Variants in GSAP observed in about 807,000 individuals in gnomAD.
GSAP encodes the protein gamma-secretase activating protein.
Under a neutral mutation model 131.7 loss-of-function variants are expected in GSAP, and 118 were observed. The observed-to-expected ratio is 0.90, with a 90% CI of 0.77 to 1.04. GSAP has a LOEUF of 1.04. Among genes scored for constraint, GSAP ranks in the 50% least tolerant of loss-of-function variants. The pLI, the probability that GSAP is intolerant of heterozygous loss-of-function variation, is 0.00. For missense variants in GSAP, 1,019 were observed against 1,013.2 expected (o/e 1.01, Z -0.08); for synonymous variants, 381 against 363.4 (o/e 1.05, Z -0.55).
At chr7:77,317,528 A>T (rs992762034) in intron 26 of GSAP, among the ~76,000 whole-genome samples, 4 of 151,290 alleles carry the variant, frequency 2.6e-5, no homozygotes, top group African/African-American at 7.3e-5. Context: ...AAGTATAATT[A>T]AAAAAATGAG....
intron 1 of GSAP, among the ~76,000 whole-genome samples, chr7:77,411,703 T>C (rs191269856): frequency 2.0e-5 from 3 of 152,318 alleles, no homozygotes; most frequent in East Asian, 3.9e-4. Context: ...AGCTGATCTA[T>C]AGAGGCAATA....
At chr7:77,331,356 A>G (rs75970626) in intron 19 of GSAP, among the ~76,000 whole-genome samples, 5 of 152,230 alleles carry the variant, frequency 3.3e-5, no homozygotes, top group Non-Finnish European at 5.9e-5. Flanking sequence ...TTCTGACACA[A>G]CTTGGTTTTA....
intron 4 of GSAP, 85 bp from the exon 5 acceptor site, chr7:77,397,120 G>T: frequency 1.1e-6 from 1 of 882,198 alleles, no homozygotes. Context: ...TGAAATAGAT[G>T]AGGGCTCAAA....
chr7:77,351,719 C>T (rs2150843889), intron 18 of GSAP: 1 of 985,840 alleles, frequency 1.0e-6, no homozygotes, highest in Admixed American at 6.1e-5. Flanking sequence ...AAGCGTTACC[C>T]TCAGGGTGAT....
intron 10 of GSAP, among the ~76,000 whole-genome samples, chr7:77,375,715 G>A (rs368022141): frequency 4.7e-4 from 71 of 152,054 alleles, no homozygotes; most frequent in Admixed American, 9.8e-4. Context: ...ATGGTGACAG[G>A]TGCCTGTAAT....
chr7:77,345,443 G>A (rs531015280), intron 19 of GSAP, among the ~76,000 whole-genome samples: 1 of 152,130 alleles, frequency 6.6e-6, no homozygotes, highest in Non-Finnish European at 1.5e-5. Flanking sequence ...AATATAAGAA[G>A]ACAGGACTAT....
At chr7:77,318,716 A>G (rs1164948154) in intron 26 of GSAP, among the ~76,000 whole-genome samples, 1 of 152,180 alleles carries the variant, frequency 6.6e-6, no homozygotes, top group Non-Finnish European at 1.5e-5. Flanking sequence ...CTCAAAATGC[A>G]TTAGAAAGTT....
intron 19 of GSAP, among the ~76,000 whole-genome samples, chr7:77,345,767 A>T (rs982483882): frequency 6.6e-6 from 1 of 152,028 alleles, no homozygotes; most frequent in Non-Finnish European, 1.5e-5. Flanking sequence ...GCCCCACCCC[A>T]TCTCCCTTCG....
chr7:77,325,553 C>T (rs1472461679), intron 23 of GSAP, among the ~76,000 whole-genome samples: 2 of 152,030 alleles, frequency 1.3e-5, no homozygotes, highest in Non-Finnish European at 2.9e-5. Context: ...GTACTTTGTT[C>T]TGTTGTTTTT....
intron 26 of GSAP, chr7:77,315,686 A>G (rs934632698): frequency 6.6e-6 from 1 of 152,252 alleles, no homozygotes; most frequent in African/African-American, 2.4e-5. Flanking sequence ...AATAACTGGC[A>G]GCTGTGTTAA....
chr7:77,313,962 A>C (rs1055473671), intron 27 of GSAP, among the ~76,000 whole-genome samples: 1 of 152,230 alleles, frequency 6.6e-6, no homozygotes, highest in African/African-American at 2.4e-5. Flanking sequence ...GCTGAAAATA[A>C]GCCATTTCGT....
chr7:77,347,329 C>T (rs1374851770), intron 19 of GSAP, among the ~76,000 whole-genome samples: 1 of 152,100 alleles, frequency 6.6e-6, no homozygotes, highest in African/African-American at 2.4e-5. Flanking sequence ...GGACTTGCAC[C>T]TGTTATCTGG....
At chr7:77,393,866 G>A (rs190156957) in intron 5 of GSAP, among the ~76,000 whole-genome samples, 5 of 151,748 alleles carry the variant, frequency 3.3e-5, no homozygotes, top group Non-Finnish European at 5.9e-5. Flanking sequence ...TAAAGACAGG[G>A]TTTCACCACG....
At position 77,404,583 on chromosome 7, in the gene GSAP, A is replaced by G; in HGVS notation, c.219T>C (p.Tyr73=). 6.4e-7 allele frequency: 1 copy of G among 1,559,316 alleles called. No individual in the cohort carries two copies. Among genetic ancestry groups the G allele is most frequent in the Admixed American group, 1.7e-5 (1 of 59,404 alleles). Residue 73 remains tyrosine (Y), a synonymous_variant, in exon 3 of 31, where the codon TAT becomes TAC. Coordinates refer to ENST00000257626, the MANE Select transcript of GSAP (RefSeq NM_017439.4). ...CCTCATTTTGTCTGGTTTGACAATC[A>G]TATAATCCAAAGACGACATTTCCCT... ...DDKGNVVFGL[Y]DCQTRQNELL...
Position 77,390,946 on chromosome 7 carries a change from TAAAAAAAAAAAAAAAA to T in GSAP, c.368-3514_368-3499del, listed in dbSNP as rs71085453. Among the ~76,000 whole-genome samples the T allele has an allele frequency of 2.0e-3, 77 of 37,938 alleles. 1 individual carries two copies. Among genetic ancestry groups the T allele is most frequent in the Non-Finnish European group, 2.1e-3 (40 of 18,630 alleles). 24.9% of individuals were successfully genotyped at this position (37,938 alleles called of 152,430 possible). A position where few individuals can be genotyped will look rare whatever the true frequency, so the allele number is the denominator to read the frequency against. On this transcript the variant is annotated intron_variant, in intron 5 of 30. Coordinates refer to ENST00000257626, the MANE Select transcript of GSAP (RefSeq NM_017439.4). ...CCTGGTGACAGAGCGAGACTCCGTC[TAAAAAAAAAAAAAAAA>T]AAAAAAAAAAAAAAAAAAAAATTAG... is the stretch of plus-strand genomic sequence containing the variant.
chr7:77,412,303 G>A (rs1803427643), intron 1 of GSAP, among the ~76,000 whole-genome samples: 1 of 152,076 alleles, frequency 6.6e-6, no homozygotes, highest in Admixed American at 6.5e-5. Context: ...TGATAATATT[G>A]AAACAATTAG....
chr7:77,384,847 G>A (rs898186196), intron 6 of GSAP, among the ~76,000 whole-genome samples: 8 of 152,250 alleles, frequency 5.3e-5, no homozygotes, highest in East Asian at 3.9e-4. Flanking sequence ...TCTAGAGGCA[G>A]GAGGGAGAAG....
chr7:77,408,149 T>A (rs1442764840), intron 1 of GSAP, among the ~76,000 whole-genome samples: 1 of 152,234 alleles, frequency 6.6e-6, no homozygotes, highest in African/African-American at 2.4e-5. Context: ...ATAAGTGTGT[T>A]TCACTTGGTG....
chr7:77,348,737 A>G (rs917809049), intron 19 of GSAP, among the ~76,000 whole-genome samples: 4 of 152,230 alleles, frequency 2.6e-5, no homozygotes, highest in African/African-American at 9.6e-5. Context: ...CCATTCTCCT[A>G]TGGTACTCCA....
Sources: gnomAD v4.1 joint callset for allele counts (sites outside exome capture counted in the v4.1 genomes callset) on GRCh38, gnomAD v4.1.1 for gene constraint, MANE v1.5 for transcripts, NCBI Gene and HGNC (gene_info 2026-07-23, HGNC 2026-07-21) for gene names.